TJP1: variants seen among roughly 807,000 people sequenced by gnomAD.
TJP1 encodes tight junction protein 1.
Under a neutral mutation model 194.2 loss-of-function variants are expected in TJP1, and 43 were observed. That is an observed-to-expected ratio of 0.22 (90% CI 0.17 to 0.29). The LOEUF (loss-of-function observed/expected upper bound fraction) is 0.29. Among genes scored for constraint, TJP1 ranks in the 10% least tolerant of loss-of-function variants. TJP1 has a pLI of 1.00. For missense variants in TJP1, 1,971 were observed against 2,185.7 expected (o/e 0.90, Z 1.96); for synonymous variants, 801 against 779.0 (o/e 1.03, Z -0.47).
chr15:29,716,717 T>C lies in TJP1; in HGVS notation c.4096A>G (p.Ser1366Gly). The C allele has an allele frequency of 6.2e-7, 1 of 1,614,180 alleles. No homozygotes were observed. The highest frequency in any genetic ancestry group is 8.5e-7 in the Non-Finnish European group (1 of 1,180,028). ...TGTGCAGGAGGCTTATTCTCAAAAC[T>C]TCTTCGGTCAAAGTATGACAGCTGT... Reference protein sequence around the residue: ...RKQLSYFDRRSFENKPPAHIA... With the variant: ...RKQLSYFDRRGFENKPPAHIA... The change falls in exon 23 of 28, where the codon AGT becomes GGT. Residue 1366 changes from serine to glycine, a missense_variant. Coordinates refer to ENST00000614355, the MANE Select transcript of TJP1 (RefSeq NM_001330239.4).
chr15:29,869,396 G>A (rs1261221280), intron 2 of TJP1, among the ~76,000 whole-genome samples: 1 of 152,178 alleles, frequency 6.6e-6, no homozygotes, highest in East Asian at 1.9e-4. Context: ...CATTTACTGA[G>A]ATACTATTGA....
chr15:29,717,579 G>A (rs1267523872), intron 22 of TJP1, among the ~76,000 whole-genome samples: 1 of 152,126 alleles, frequency 6.6e-6, no homozygotes, highest in East Asian at 1.9e-4. Context: ...AACAACAACA[G>A]TGTCACCTCA....
rs2042366294 is a variant in TJP1, at chr15:29,713,482, T to C, written c.4203-2482A>G. 5.9e-5 allele frequency among the ~76,000 whole-genome samples: 9 copies of C among 152,232 alleles called. No homozygotes were observed. In the South Asian group the frequency reaches 1.9e-3, roughly 32 times the overall value. On this transcript the variant is annotated intron_variant, in intron 23 of 27. Coordinates refer to ENST00000614355, the MANE Select transcript of TJP1 (RefSeq NM_001330239.4). ...ATTTTCCATATCTAATTCTCACCAT[T>C]TCTGAGGTGTGTTTTTAAGTGAAGC...
chr15:29,849,728 C>T (rs1198585249), intron 2 of TJP1, among the ~76,000 whole-genome samples: 1 of 143,686 alleles, frequency 7.0e-6, no homozygotes, highest in Non-Finnish European at 1.5e-5. Context: ...GCCTGGGCAA[C>T]AGAGAGGACT....
chr15:29,794,308 T>C (rs2048274523), intron 2 of TJP1, among the ~76,000 whole-genome samples: 1 of 152,146 alleles, frequency 6.6e-6, no homozygotes, highest in Admixed American at 6.5e-5. Flanking sequence ...GTTAGCATAT[T>C]CAACAACTGA....
At chr15:29,776,882 G>A (rs1383847081) in intron 2 of TJP1, among the ~76,000 whole-genome samples, 1 of 152,086 alleles carries the variant, frequency 6.6e-6, no homozygotes, top group Non-Finnish European at 1.5e-5. Context: ...TTCATTGTTA[G>A]CAACAAATAC....
intron 23 of TJP1, among the ~76,000 whole-genome samples, chr15:29,715,801 C>T (rs138235163): frequency 2.0e-5 from 3 of 152,132 alleles, no homozygotes; most frequent in Non-Finnish European, 2.9e-5. Context: ...CCTTCCTGAC[C>T]AACTGCCCTC....
chr15:29,771,216 A>C (rs2046649096), intron 4 of TJP1, among the ~76,000 whole-genome samples: 1 of 152,220 alleles, frequency 6.6e-6, no homozygotes, highest in South Asian at 2.1e-4. Flanking sequence ...TTGTGTGAAC[A>C]TCACAGAACG....
At chr15:29,727,718 T>C (rs919231010) in intron 16 of TJP1, among the ~76,000 whole-genome samples, 1 of 152,218 alleles carries the variant, frequency 6.6e-6, no homozygotes. Context: ...CTAAAAATCA[T>C]ACACTTGTTT....
At chr15:29,927,231 A>G (rs1456512180) in intron 2 of TJP1, among the ~76,000 whole-genome samples, 1 of 152,128 alleles carries the variant, frequency 6.6e-6, no homozygotes, top group Non-Finnish European at 1.5e-5. Context: ...GAGGCAGGAG[A>G]ATCGTTTGAA....
chr15:29,881,336 T>G (rs778176917), intron 2 of TJP1, among the ~76,000 whole-genome samples: 3 of 152,210 alleles, frequency 2.0e-5, no homozygotes, highest in Non-Finnish European at 4.4e-5. Context: ...GTTATATATT[T>G]TGGAAATTAA....
chr15:29,853,807 A>C (rs1400043580), intron 2 of TJP1, among the ~76,000 whole-genome samples: 1 of 152,226 alleles, frequency 6.6e-6, no homozygotes, highest in East Asian at 1.9e-4. Flanking sequence ...TCCTGAAGGC[A>C]ATTTCCTGGT....
At chr15:29,949,544 A>T (rs2055506880) in intron 2 of TJP1, among the ~76,000 whole-genome samples, 1 of 114,682 alleles carries the variant, frequency 8.7e-6, no homozygotes, top group Admixed American at 1.0e-4. Flanking sequence ...CACCACCACC[A>T]CCTCCACAAC....
Position 29,838,604 on chromosome 15 carries a change from C to CTG in TJP1, c.307-37904_307-37903dup, listed in dbSNP as rs1378708807. On this transcript the variant is annotated intron_variant, in intron 2 of 28. Transcript: ENST00000356107. ...AGATTTCACCTGTTATACATGTACT[C>CTG]TGTGTGTCTGTGTGTGTGTGTGTGT... is the stretch of plus-strand genomic sequence containing the variant. 1.1e-3 allele frequency among the ~76,000 whole-genome samples: 56 copies of CTG among 52,430 alleles called. No homozygotes were observed. In the East Asian group the frequency reaches 0.042, roughly 39 times the overall value. 34.4% of individuals were successfully genotyped at this position (52,430 alleles called of 152,430 possible).
Position 29,909,008 on chromosome 15 carries a change from T to C in TJP1, c.306+47224A>G, listed in dbSNP as rs571294765. On this transcript the variant is annotated intron_variant, in intron 2 of 28. Transcript: ENST00000356107. Reference sequence around the variant, plus strand: ...TCTCTACCAAAAATACAAAAAAAAATTATCCGGGTGTGGTGGTGGGCGCCT... The same window carrying C: ...TCTCTACCAAAAATACAAAAAAAAACTATCCGGGTGTGGTGGTGGGCGCCT... Among the ~76,000 whole-genome samples the C allele has an allele frequency of 3.3e-5, 5 of 150,900 alleles. No individual in the cohort carries two copies. In the East Asian group the frequency reaches 9.8e-4, roughly 30 times the overall value.
At position 29,720,131 on chromosome 15, in the gene TJP1, T is replaced by C; in HGVS notation, c.2764-115A>G. 2.2e-6 allele frequency: 3 copies of C among 1,381,528 alleles called. No homozygotes were observed. In the South Asian group the frequency reaches 4.4e-5, roughly 20 times the overall value. The allele number at this position is 1,381,528 out of a possible 1,614,324, so 85.6% of individuals were successfully genotyped here. Reference sequence around the variant, plus strand: ...TTAAGTGTGCTGAATAACAAAATTATGACCTCATGTCCTAAACTTTTTGGG... The same window carrying C: ...TTAAGTGTGCTGAATAACAAAATTACGACCTCATGTCCTAAACTTTTTGGG... On this transcript the variant is annotated intron_variant, in intron 19 of 27. Coordinates refer to ENST00000614355, the MANE Select transcript of TJP1 (RefSeq NM_001330239.4).
chr15:29,912,503 T>A (rs1184922771), intron 2 of TJP1, among the ~76,000 whole-genome samples: 1 of 151,418 alleles, frequency 6.6e-6, no homozygotes, highest in East Asian at 1.9e-4. Context: ...AGGTCAGGAG[T>A]TTGAGACCAG....
chr15:29,719,662 A>AAATCAAT (rs2042806520), intron 20 of TJP1, 115 bp downstream of exon 20: 2 of 1,298,368 alleles, frequency 1.5e-6, no homozygotes, highest in African/African-American at 3.0e-5. Context: ...AAAGCATTAC[A>AAATCAAT]GTGTATAAGC....
rs1007218905 is a variant in TJP1 at position 29,800,661 on chromosome 15, T to C, written c.69A>G (p.Thr23=). The change falls in exon 2 of 28, where the codon ACA becomes ACG. Residue 23 remains threonine, a synonymous_variant. Transcript: ENST00000614355. ...MEETAIWEQH[T]VTLHRAPGFG... is the part of the protein sequence containing the mutation. ...ACAAACTTACCCTGTGAAGCGTCAC[T>C]GTATGTTGTTCCCATATAGCTGTTT... 6.2e-7 allele frequency: 1 copy of C among 1,613,988 alleles called. No individual in the cohort carries two copies. The highest frequency in any genetic ancestry group is 8.5e-7 in the Non-Finnish European group (1 of 1,179,962).
Sources: gnomAD v4.1 joint callset for allele counts (sites outside exome capture counted in the v4.1 genomes callset) on GRCh38, gnomAD v4.1.1 for gene constraint, MANE v1.5 for transcripts, NCBI Gene and HGNC (gene_info 2026-07-23, HGNC 2026-07-21) for gene names.